Variants in SERPINB2 observed in about 807,000 individuals in gnomAD.
SERPINB2 encodes serpin family B member 2.
Under a neutral mutation model 39.4 loss-of-function variants are expected in SERPINB2, and 28 were observed. The ratio of observed to expected loss-of-function variants is 0.71; its 90% confidence interval spans 0.53 to 0.97. The LOEUF (loss-of-function observed/expected upper bound fraction) is 0.97, where lower values mean the gene tolerates loss of function less well. Ranked by LOEUF, SERPINB2 falls within the 50% of genes least tolerant of loss-of-function variation. The pLI, the probability that SERPINB2 is intolerant of heterozygous loss-of-function variation, is 0.00. For synonymous variants in SERPINB2, 209 were observed against 175.1 expected, an observed-to-expected ratio of 1.19 and a Z score of -1.53; for missense variants, 557 against 505.3, an observed-to-expected ratio of 1.10 and a Z score of -0.98.
rs115241919 is a variant in SERPINB2 at position 63,898,668 on chromosome 18, G to A, written c.535+824G>A. Among the ~76,000 whole-genome samples the A allele has an allele frequency of 6.9e-3, 1,045 of 152,318 alleles. 15 individuals carry two copies. Among genetic ancestry groups the A allele is most frequent in the African/African-American group, 0.023 (974 of 41,554 alleles). On this transcript the variant is annotated intron_variant, in intron 5 of 7. Coordinates refer to ENST00000299502, the MANE Select transcript of SERPINB2 (RefSeq NM_002575.3). ...GGCAATTGCTATAGAGTAGTAGTCAGTGCTTTCATTGAGAAGTACAGGTGC... is the reference window on the plus strand; with the variant it reads ...GGCAATTGCTATAGAGTAGTAGTCAATGCTTTCATTGAGAAGTACAGGTGC...
intron 5 of SERPINB2, among the ~76,000 whole-genome samples, chr18:63,900,198 G>T (rs2049983121): frequency 6.6e-6 from 1 of 152,164 alleles, no homozygotes; most frequent in South Asian, 2.1e-4. Flanking sequence ...GAATTGGAGA[G>T]AATTGTCTGT....
Position 63,895,320 on chromosome 18 carries a change from C to T in SERPINB2, c.225C>T (p.Asn75=), listed in dbSNP as rs200884637. The part of the protein sequence containing the change: ...ANAVTPMTPE[N]FTSCGFMQQI... ...CAGTTACCCCCATGACTCCAGAGAA[C>T]TTTACCAGCTGTGGGTTCATGCAGC... The change falls in exon 3 of 8, where the codon AAC becomes AAT. Residue 75 remains asparagine, a synonymous_variant. Transcript: ENST00000299502. The T allele has an allele frequency of 1.8e-5, 29 of 1,614,006 alleles. No individual in the cohort carries two copies. The highest frequency in any genetic ancestry group is 1.6e-4 in the Middle Eastern group (1 of 6,082).
chr18:63,898,403 C>T (rs1285063846), intron 5 of SERPINB2, among the ~76,000 whole-genome samples: 1 of 152,132 alleles, frequency 6.6e-6, no homozygotes. Flanking sequence ...CTCCTGCCTC[C>T]CTCTGTATAT....
chr18:63,901,623 T>A lies in SERPINB2; in HGVS notation c.536-117T>A, dbSNP rs376816764. 46 of 694,720 alleles carry A rather than the reference T, an allele frequency of 6.6e-5. 3 individuals carry two copies. The highest frequency in any genetic ancestry group is 4.1e-4 in the Admixed American group (12 of 29,310). The allele number at this position is 694,720 out of a possible 1,614,324, so 43.0% of individuals were successfully genotyped here. A position where few individuals can be genotyped will look rare whatever the true frequency, so the allele number is the denominator to read the frequency against. ...TAAATAAACCTAAAAAACTTTAGCT[T>A]GAAGATTAACAACTCTGCAATTTGA... On this transcript the variant is annotated intron_variant, in intron 5 of 7. Transcript: ENST00000299502.
chr18:63,895,665 A>G (rs1384951606), intron 3 of SERPINB2, among the ~76,000 whole-genome samples: 1 of 152,238 alleles, frequency 6.6e-6, no homozygotes, highest in Non-Finnish European at 1.5e-5. Context: ...GTAATTTATC[A>G]TAAATCCACA....
rs1169284949 is a variant in SERPINB2 at position 63,903,883 on chromosome 18, C to G, written c.*578C>G. On this transcript the variant is annotated 3_prime_UTR_variant, in exon 8 of 8. Transcript: ENST00000299502. The stretch of plus-strand genomic sequence containing the variant: ...TATAATAAATAAACCTGCTTCCAAA[C>G]AACAATACATTTGTTGTCATTTCAT... 1 of 152,082 alleles carries G rather than the reference C, an allele frequency of 6.6e-6. No homozygotes were observed. 9.4% of individuals were successfully genotyped at this position (152,082 alleles called of 1,614,324 possible). A position where few individuals can be genotyped will look rare whatever the true frequency, so the allele number is the denominator to read the frequency against.
chr18:63,899,796 A>G (rs1234209007), intron 5 of SERPINB2, among the ~76,000 whole-genome samples: 1 of 152,202 alleles, frequency 6.6e-6, no homozygotes, highest in Non-Finnish European at 1.5e-5. Context: ...GTTTCAAGAA[A>G]TAGTTTGGTG....
In SERPINB2 at chr18:63,901,805, G is replaced by C; in HGVS notation, c.601G>C (p.Ala201Pro). 3 of 1,601,084 alleles carry C rather than the reference G, an allele frequency of 1.9e-6. No individual in the cohort carries two copies. The highest frequency in any genetic ancestry group is 3.6e-5 in the Admixed American group (2 of 56,156). Residue 201 changes from alanine (A) to proline (P), a missense_variant, in exon 6 of 8, where the codon GCT becomes CCT. Transcript: ENST00000299502. ...GGATACCAGGATGGTCCTGGTGAATGCTGTCTACTTCAAAGGAAAGTGGAA... is the reference window on the plus strand; with the variant it reads ...GGATACCAGGATGGTCCTGGTGAATCCTGTCTACTTCAAAGGAAAGTGGAA... ...DGDTRMVLVN[A>P]VYFKGKWKTP... is the part of the protein sequence containing the mutation.
At chr18:63,893,586 C>A (rs73476002) in intron 2 of SERPINB2, among the ~76,000 whole-genome samples, 20 of 152,102 alleles carry the variant, frequency 1.3e-4, no homozygotes, top group Non-Finnish European at 2.2e-4. Flanking sequence ...TGGGGACAGA[C>A]GTATCTGTGT....
intron 3 of SERPINB2, 63 bp downstream of exon 3, chr18:63,895,446 G>A: frequency 1.9e-6 from 3 of 1,606,310 alleles, no homozygotes; most frequent in Non-Finnish European, 2.6e-6. Flanking sequence ...CTGTCTTAAA[G>A]CCACAGTGTC....
intron 2 of SERPINB2, among the ~76,000 whole-genome samples, chr18:63,892,328 G>A (rs1456339277): frequency 3.9e-5 from 6 of 152,126 alleles, no homozygotes; most frequent in Admixed American, 1.3e-4. Context: ...GTGAATGGAC[G>A]TGGACTCAGT....
At chr18:63,896,205 A>G (rs967927424) in intron 3 of SERPINB2, among the ~76,000 whole-genome samples, 1 of 152,152 alleles carries the variant, frequency 6.6e-6, no homozygotes, top group Non-Finnish European at 1.5e-5. Context: ...GATCCTGATC[A>G]TGTGGAGATT....
At position 63,897,793 on chromosome 18, in the gene SERPINB2, G is replaced by A; in HGVS notation, c.484G>A (p.Ala162Thr). ...CCAGGCAGTAGACTTCCTAGAATGT[G>A]CAGAAGAAGCTAGAAAAAAGATTAA... is the stretch of plus-strand genomic sequence containing the variant. The part of the protein sequence containing the change: ...EPQAVDFLEC[A>T]EEARKKINSW... The change falls in exon 5 of 8, where the codon GCA (alanine) becomes ACA (threonine). Residue 162 changes from alanine (A) to threonine (T), a missense_variant. By Grantham distance (58) the Ala-to-Thr change is moderately conservative. Transcript: ENST00000299502. 1 of 1,613,372 alleles carries A rather than the reference G, an allele frequency of 6.2e-7. No individual in the cohort carries two copies. Among genetic ancestry groups the A allele is most frequent in the South Asian group, 1.1e-5 (1 of 91,032 alleles).
chr18:63,902,360 T>A, intron 6 of SERPINB2, 44 bp from the exon 7 acceptor site: 1 of 1,477,774 alleles, frequency 6.8e-7, no homozygotes, highest in South Asian at 1.4e-5. Context: ...AATCTCTTGA[T>A]ATCTTATAAT....
In SERPINB2 at chr18:63,902,434, T is replaced by C; in HGVS notation, c.709T>C (p.Leu237=). 6.2e-7 allele frequency: 1 copy of C among 1,613,276 alleles called. No individual in the cohort carries two copies. Among genetic ancestry groups the C allele is most frequent in the Non-Finnish European group, 8.5e-7 (1 of 1,179,522 alleles). Reference sequence around the variant, plus strand: ...GCGCACACCTGTACAGATGATGTACTTGCGTGAAAAGCTAAACATTGGATA... The same window carrying C: ...GCGCACACCTGTACAGATGATGTACCTGCGTGAAAAGCTAAACATTGGATA... ...AQRTPVQMMY[L]REKLNIGYIE... Residue 237 remains leucine, a synonymous_variant, in exon 7 of 8, where the codon TTG becomes CTG. Coordinates refer to ENST00000299502, the MANE Select transcript of SERPINB2 (RefSeq NM_002575.3).
intron 3 of SERPINB2, among the ~76,000 whole-genome samples, chr18:63,896,811 A>G (rs1445483572): frequency 1.3e-5 from 2 of 152,238 alleles, no homozygotes; most frequent in Non-Finnish European, 2.9e-5. Context: ...AAGTTTAGGA[A>G]ACTGAGAAGG....
At chr18:63,890,421 T>C (rs2049918321) in intron 1 of SERPINB2, 1 of 152,108 alleles carries the variant, frequency 6.6e-6, no homozygotes, top group Non-Finnish European at 1.5e-5. Context: ...GTATCAGCAT[T>C]GTTTGGTATA....
chr18:63,891,959 A>G (rs540114716), intron 2 of SERPINB2, among the ~76,000 whole-genome samples: 12 of 152,256 alleles, frequency 7.9e-5, no homozygotes, highest in Non-Finnish European at 1.3e-4. Flanking sequence ...GACAGATATC[A>G]TTTTACAGAT....
At chr18:63,887,929 A>C (rs1417311277) in intron 1 of SERPINB2, among the ~76,000 whole-genome samples, 159 bp downstream of exon 1, 1 of 152,218 alleles carries the variant, frequency 6.6e-6, no homozygotes, top group Non-Finnish European at 1.5e-5. Flanking sequence ...TTGAATTGAA[A>C]ATATTTTATT....
Sources: allele counts gnomAD v4.1 joint callset (sites outside exome capture counted in the v4.1 genomes callset), GRCh38; gene constraint gnomAD v4.1.1; transcripts MANE v1.5; gene names NCBI Gene and HGNC (gene_info 2026-07-23, HGNC 2026-07-21).